Variants in ATRNL1 observed in about 807,000 individuals in gnomAD.
ATRNL1 encodes attractin like 1, also known as attractin-like protein 1.
A neutral mutation model predicts 182.7 loss-of-function variants in ATRNL1; 95 were observed. That is an observed-to-expected ratio of 0.52 (90% confidence interval 0.44 to 0.62). The LOEUF (loss-of-function observed/expected upper bound fraction) is 0.62. Among genes scored for constraint, ATRNL1 ranks in the 20% least tolerant of loss-of-function variants. The pLI is 0.00. For missense variants in ATRNL1, 1,471 were observed against 1,679.5 expected (o/e 0.88, Z 2.17); for synonymous variants, 576 against 568.3 (o/e 1.01, Z -0.19).
chr10:115,133,839 C>G (rs1470284951), intron 5 of ATRNL1, among the ~76,000 whole-genome samples: 1 of 152,152 alleles, frequency 6.6e-6, no homozygotes, highest in Admixed American at 6.5e-5. Context: ...GAAGTTATAA[C>G]AAGCTGTCTC....
At chr10:115,155,510 G>T (rs1242121036) in intron 5 of ATRNL1, among the ~76,000 whole-genome samples, 1 of 152,216 alleles carries the variant, frequency 6.6e-6, no homozygotes, top group Middle Eastern at 3.4e-3. Flanking sequence ...GAAGCTTAGA[G>T]AAATTAGGTA....
intron 8 of ATRNL1, among the ~76,000 whole-genome samples, chr10:115,192,082 A>G (rs1249928819): frequency 6.6e-6 from 1 of 151,974 alleles, no homozygotes; most frequent in South Asian, 2.1e-4. Context: ...TTTGCTGTGC[A>G]GAAGATTTTT....
chr10:115,182,421 A>G (rs1436922135), intron 8 of ATRNL1, among the ~76,000 whole-genome samples: 2 of 151,526 alleles, frequency 1.3e-5, no homozygotes, highest in South Asian at 2.1e-4. Context: ...GCAAAGAAAT[A>G]TCAAATAGGA....
In ATRNL1 at chr10:115,937,853, T is replaced by A. The variant is rs573934977; in HGVS notation, c.4019-6805T>A. ...ATAGTAAATGAGGTAGTAAAACATT[T>A]CGGCAGGGCAAACAGTTTACAGCAC... On this transcript the variant is annotated intron_variant, in intron 28 of 28. Transcript: ENST00000355044. Among the ~76,000 whole-genome samples, 9 of 152,308 alleles carry A rather than the reference T, an allele frequency of 5.9e-5. No homozygotes were observed. The South Asian group carries it at 1.9e-3, about 32-fold the overall frequency.
chr10:115,878,715 G>T (rs1159014564), intron 28 of ATRNL1, among the ~76,000 whole-genome samples: 2 of 152,090 alleles, frequency 1.3e-5, no homozygotes, highest in African/African-American at 4.8e-5. Flanking sequence ...AAGACTCTCG[G>T]TTGCATAATG....
intron 5 of ATRNL1, among the ~76,000 whole-genome samples, chr10:115,130,855 G>T (rs985054388): frequency 6.6e-6 from 1 of 152,116 alleles, no homozygotes; most frequent in Non-Finnish European, 1.5e-5. Flanking sequence ...GTCTTCAATT[G>T]CTATTAGTCT....
intron 8 of ATRNL1, among the ~76,000 whole-genome samples, chr10:115,178,559 C>T (rs1242973983): frequency 2.6e-5 from 4 of 151,988 alleles, no homozygotes; most frequent in East Asian, 1.9e-4. Context: ...TGAATATGTC[C>T]CCTCCAAAAT....
chr10:115,256,584 C>T (rs1417182242), intron 10 of ATRNL1, among the ~76,000 whole-genome samples: 1 of 152,068 alleles, frequency 6.6e-6, no homozygotes, highest in Non-Finnish European at 1.5e-5. Context: ...TTTCAAAAAA[C>T]CAGCTCTGGG....
chr10:115,669,451 G>C (rs1388088845), intron 26 of ATRNL1, among the ~76,000 whole-genome samples: 1 of 152,046 alleles, frequency 6.6e-6, no homozygotes, highest in African/African-American at 2.4e-5. Flanking sequence ...CTTATCATAA[G>C]GTAAATGCCA....
intron 3 of ATRNL1, among the ~76,000 whole-genome samples, chr10:115,124,956 ATAAC>A (rs1844900301): frequency 6.6e-6 from 1 of 152,216 alleles, no homozygotes; most frequent in South Asian, 2.1e-4. Flanking sequence ...TTCAAAATAA[ATAAC>A]TAATCCTTCA....
chr10:115,448,242 C>A (rs2134472317), intron 21 of ATRNL1, among the ~76,000 whole-genome samples: 1 of 152,098 alleles, frequency 6.6e-6, no homozygotes, highest in East Asian at 1.9e-4. Flanking sequence ...ATACATTCTT[C>A]TCTTTGCTAC....
intron 28 of ATRNL1, among the ~76,000 whole-genome samples, chr10:115,861,120 C>T (rs1555103402): frequency 3.3e-5 from 5 of 152,152 alleles, no homozygotes. Flanking sequence ...GATTGTCCTA[C>T]CCATCAGCCC....
intron 26 of ATRNL1, among the ~76,000 whole-genome samples, chr10:115,704,785 C>A (rs540557952): frequency 6.6e-6 from 1 of 151,860 alleles, no homozygotes; most frequent in Non-Finnish European, 1.5e-5. Context: ...ATTGACTGTT[C>A]TATGCTATTT....
At chr10:115,875,289 G>A (rs1951676877) in intron 28 of ATRNL1, among the ~76,000 whole-genome samples, 1 of 152,178 alleles carries the variant, frequency 6.6e-6, no homozygotes, top group Admixed American at 6.5e-5. Flanking sequence ...AGTAGGCAAG[G>A]CCACATTTAT....
At chr10:115,415,826 T>G (rs1234705792) in intron 20 of ATRNL1, among the ~76,000 whole-genome samples, 3 of 152,028 alleles carry the variant, frequency 2.0e-5, no homozygotes, top group Non-Finnish European at 4.4e-5. Flanking sequence ...CTTACTCCAG[T>G]CATTTAAGAC....
chr10:115,246,348 A>G (rs1191726765), intron 10 of ATRNL1, among the ~76,000 whole-genome samples: 2 of 152,182 alleles, frequency 1.3e-5, no homozygotes, highest in Non-Finnish European at 2.9e-5. Flanking sequence ...ACAGGAAAAA[A>G]AAGGAATTTT....
rs904305748 is a variant in ATRNL1, at chr10:115,947,116, C to T, written c.*2337C>T. Reference sequence around the variant, plus strand: ...GGCTAATTATGCAATTAATTCTCAACGTATCAAAGCTTTTCACTGGCAGTA... The same window carrying T: ...GGCTAATTATGCAATTAATTCTCAATGTATCAAAGCTTTTCACTGGCAGTA... On this transcript the variant is annotated 3_prime_UTR_variant, in exon 29 of 29. Transcript: ENST00000355044. 1.3e-5 allele frequency: 2 copies of T among 152,596 alleles called. No homozygotes were observed. The highest frequency in any genetic ancestry group is 2.9e-5 in the Non-Finnish European group (2 of 68,028). The allele number at this position is 152,596 out of a possible 1,614,324, so 9.5% of individuals were successfully genotyped here.
chr10:115,159,595 C>G (rs1278577027), intron 5 of ATRNL1, among the ~76,000 whole-genome samples: 2 of 151,320 alleles, frequency 1.3e-5, no homozygotes, highest in African/African-American at 4.8e-5. Context: ...AATGCTTTTA[C>G]TTCCACTATT....
intron 1 of ATRNL1, among the ~76,000 whole-genome samples, chr10:115,096,304 A>G (rs917617698): frequency 5.3e-5 from 8 of 152,166 alleles, no homozygotes; most frequent in Non-Finnish European, 1.2e-4. Context: ...TGTTTTTATT[A>G]TGTATACTCT....
Sources: gnomAD v4.1 joint callset for allele counts (sites outside exome capture counted in the v4.1 genomes callset) on GRCh38, gnomAD v4.1.1 for gene constraint, MANE v1.5 for transcripts, NCBI Gene and HGNC (gene_info 2026-07-23, HGNC 2026-07-21) for gene names.